MCTP1: variants seen among roughly 807,000 people sequenced by gnomAD.
The protein encoded by MCTP1 is multiple C2 and transmembrane domain containing 1, also known as multiple C2 and transmembrane domain-containing protein 1.
Under a neutral mutation model 120.6 loss-of-function variants are expected in MCTP1, and 69 were observed. The ratio of observed to expected loss-of-function variants is 0.57; its 90% CI spans 0.47 to 0.70. The LOEUF is 0.70. Ranked by LOEUF, MCTP1 falls within the 30% of genes least tolerant of loss-of-function variation. The pLI is 0.00. For missense variants in MCTP1, 1,203 were observed against 1,248.8 expected, an observed-to-expected ratio of 0.96 and a Z score of 0.55; for synonymous variants, 529 against 493.1, an observed-to-expected ratio of 1.07 and a Z score of -0.96.
intron 1 of MCTP1, among the ~76,000 whole-genome samples, chr5:95,259,225 T>A (rs1758221288): frequency 6.6e-6 from 1 of 152,174 alleles, no homozygotes; most frequent in East Asian, 1.9e-4. Context: ...TCTGAATGGC[T>A]ATGTCACTAC....
At chr5:94,770,127 T>A (rs1326622952) in intron 19 of MCTP1, among the ~76,000 whole-genome samples, 1 of 152,176 alleles carries the variant, frequency 6.6e-6, no homozygotes, top group Non-Finnish European at 1.5e-5. Context: ...GCACCCTGGG[T>A]TCAGATGGAG....
chr5:94,872,270 T>C (rs1240680596), intron 13 of MCTP1, among the ~76,000 whole-genome samples: 2 of 152,094 alleles, frequency 1.3e-5, no homozygotes, highest in Admixed American at 1.3e-4. Context: ...AACCTATTCA[T>C]TCAGTTACGC....
chr5:94,864,684 T>A (rs1045570555), intron 17 of MCTP1, among the ~76,000 whole-genome samples: 3 of 151,934 alleles, frequency 2.0e-5, no homozygotes, highest in Non-Finnish European at 4.4e-5. Context: ...CAATTCCAAA[T>A]GGACAGATGG....
At chr5:95,203,312 G>T (rs1456027793) in intron 1 of MCTP1, among the ~76,000 whole-genome samples, 1 of 152,158 alleles carries the variant, frequency 6.6e-6, no homozygotes, top group African/African-American at 2.4e-5. Context: ...ATAATGGATT[G>T]AATTGTTGAC....
intron 2 of MCTP1, among the ~76,000 whole-genome samples, chr5:95,003,392 G>A (rs1470414949): frequency 1.3e-5 from 2 of 152,024 alleles, no homozygotes; most frequent in Non-Finnish European, 2.9e-5. Context: ...ATGGGCTATA[G>A]CATATAGCTT....
At chr5:94,831,485 G>A (rs1395671248) in intron 17 of MCTP1, among the ~76,000 whole-genome samples, 1 of 152,086 alleles carries the variant, frequency 6.6e-6, no homozygotes, top group East Asian at 1.9e-4. Flanking sequence ...TAAGATCCTT[G>A]TGCAGTTTTT....
chr5:95,234,900 A>T (rs1755368222), intron 1 of MCTP1, among the ~76,000 whole-genome samples: 2 of 152,144 alleles, frequency 1.3e-5, no homozygotes, highest in African/African-American at 2.4e-5. Context: ...AGTAAACTCT[A>T]CCAACATTAA....
chr5:94,770,693 C>A lies in MCTP1; in HGVS notation c.2610+8417G>T, dbSNP rs142381656. 5.3e-5 allele frequency among the ~76,000 whole-genome samples: 8 copies of A among 152,280 alleles called. No individual in the cohort carries two copies. The East Asian group carries it at 1.4e-3, about 26-fold the overall frequency. ...TTGACAGGTAGAAACCCACCACCAG[C>A]CGGAATCACTAGAAAACTCTTTGAA... On this transcript the variant is annotated intron_variant, in intron 19 of 22. Coordinates refer to ENST00000515393, the MANE Select transcript of MCTP1 (RefSeq NM_024717.7).
chr5:95,059,823 C>T (rs998323791), intron 1 of MCTP1, among the ~76,000 whole-genome samples: 7 of 152,136 alleles, frequency 4.6e-5, no homozygotes, highest in Admixed American at 2.0e-4. Context: ...TATCTCTAGG[C>T]AGCTTTCTTT....
intron 4 of MCTP1, among the ~76,000 whole-genome samples, chr5:94,941,765 G>A (rs924626647): frequency 3.3e-5 from 5 of 151,662 alleles, no homozygotes; most frequent in Non-Finnish European, 5.9e-5. Context: ...ATTATTAGGT[G>A]TAAGGAATGA....
At chr5:94,874,657 A>C (rs1440481340) in intron 12 of MCTP1, among the ~76,000 whole-genome samples, 2 of 151,982 alleles carry the variant, frequency 1.3e-5, no homozygotes, top group African/African-American at 4.8e-5. Flanking sequence ...TTTTTCCTCC[A>C]ATCGTCTTTA....
chr5:95,099,968 T>C (rs1230368137), intron 1 of MCTP1, among the ~76,000 whole-genome samples: 1 of 151,930 alleles, frequency 6.6e-6, no homozygotes, highest in Non-Finnish European at 1.5e-5. Context: ...TTCATGTCCT[T>C]TGTAGGGACA....
chr5:94,817,912 G>GT (rs1473341569), intron 17 of MCTP1, among the ~76,000 whole-genome samples: 77 of 152,154 alleles, frequency 5.1e-4, no homozygotes, highest in Non-Finnish European at 1.0e-4. Flanking sequence ...ATGGTTTCTG[G>GT]TGGTGCCGGT....
At chr5:94,714,117 A>C (rs758935061) in intron 20 of MCTP1, among the ~76,000 whole-genome samples, 10 of 152,172 alleles carry the variant, frequency 6.6e-5, no homozygotes, top group Non-Finnish European at 1.3e-4. Flanking sequence ...GTTTAGATAA[A>C]ACACATACGT....
At chr5:95,226,038 GTAT>G (rs1404699028) in intron 1 of MCTP1, among the ~76,000 whole-genome samples, 1 of 152,064 alleles carries the variant, frequency 6.6e-6, no homozygotes, top group Non-Finnish European at 1.5e-5. Flanking sequence ...GGAACAAGTG[GTAT>G]TTGGTTACAT....
intron 2 of MCTP1, among the ~76,000 whole-genome samples, chr5:94,967,064 A>C (rs1476946205): frequency 5.3e-5 from 8 of 152,220 alleles, no homozygotes; most frequent in Non-Finnish European, 1.0e-4. Flanking sequence ...TTTGGCTATT[A>C]TGTAAAAATA....
intron 1 of MCTP1, among the ~76,000 whole-genome samples, chr5:95,279,015 G>A (rs1185611630): frequency 6.6e-6 from 1 of 151,076 alleles, no homozygotes; most frequent in East Asian, 1.9e-4. Flanking sequence ...TGCCTGCTAC[G>A]ATATTATAAA....
At chr5:94,963,697 A>T (rs74434613) in intron 2 of MCTP1, among the ~76,000 whole-genome samples, 1 of 152,102 alleles carries the variant, frequency 6.6e-6, no homozygotes, top group African/African-American at 2.4e-5. Context: ...GTAGTTCCTT[A>T]TATAGTTTAG....
intron 1 of MCTP1, among the ~76,000 whole-genome samples, chr5:95,255,786 A>G (rs1180945074): frequency 1.3e-5 from 2 of 152,158 alleles, no homozygotes; most frequent in East Asian, 3.9e-4. Flanking sequence ...CTAATCCCCA[A>G]TCAAGCATCT....
Sources: gnomAD v4.1 joint callset for allele counts (sites outside exome capture counted in the v4.1 genomes callset) on GRCh38, gnomAD v4.1.1 for gene constraint, MANE v1.5 for transcripts, NCBI Gene and HGNC (gene_info 2026-07-23, HGNC 2026-07-21) for gene names.